Variants in SMG1 observed in about 807,000 individuals in gnomAD.
SMG1 encodes serine/threonine-protein kinase SMG1.
Under a neutral mutation model 419.9 loss-of-function variants are expected in SMG1, and 22 were observed. That is an observed-to-expected ratio of 0.05 (90% CI 0.04 to 0.07). The LOEUF (loss-of-function observed/expected upper bound fraction) is 0.07, where lower values mean the gene tolerates loss of function less well. SMG1 is among the 10% of genes least tolerant of loss of function. The pLI is 1.00. For synonymous variants in SMG1, 1,538 were observed against 1,553.5 expected, an observed-to-expected ratio of 0.99 and a Z score of 0.23; for missense variants, 3,185 against 4,342.0, an observed-to-expected ratio of 0.73 and a Z score of 7.49.
In SMG1 at chr16:18,864,117, C is replaced by T. The variant is rs1394058754; in HGVS notation, c.3378G>A (p.Gln1126=). Residue 1126 remains glutamine (Q), a synonymous_variant, in exon 24 of 63, where the codon CAG becomes CAA. Coordinates refer to ENST00000446231, the MANE Select transcript of SMG1 (RefSeq NM_015092.5). ...CACCTGTCATGGCACACAGGTGTTCCTGGTACTCCACAGAGGCCTTTTCAA... is the reference window on the plus strand; with the variant it reads ...CACCTGTCATGGCACACAGGTGTTCTTGGTACTCCACAGAGGCCTTTTCAA... ...GRFEKASVEY[Q]EHLCAMTGVD... is the part of the protein sequence containing the mutation. 7.8e-6 allele frequency: 12 copies of T among 1,548,358 alleles called. No homozygotes were observed. Among genetic ancestry groups the T allele is most frequent in the Non-Finnish European group, 9.6e-6 (11 of 1,146,392 alleles).
chr16:18,897,296 TCTC>T (rs1201687420), intron 1 of SMG1, among the ~76,000 whole-genome samples: 1 of 152,186 alleles, frequency 6.6e-6, no homozygotes, highest in Non-Finnish European at 1.5e-5. Flanking sequence ...GGTCCAGTGT[TCTC>T]CTCACATGAC....
chr16:18,828,108 G>T lies in SMG1; in HGVS notation c.9664C>A (p.Arg3222=), dbSNP rs759592479. 19 of 1,613,514 alleles carry T rather than the reference G, an allele frequency of 1.2e-5. No homozygotes were observed. The highest frequency in any genetic ancestry group is 1.4e-5 in the Non-Finnish European group (17 of 1,179,682). Residue 3222 remains arginine (R), a synonymous_variant, in exon 55 of 63, where the codon CGG becomes AGG. Coordinates refer to ENST00000446231, the MANE Select transcript of SMG1 (RefSeq NM_015092.5). ...PQAMSVTPPP[R]SAILTSMKKK... is the part of the protein sequence containing the mutation. ...TTCATGCTGGTTAGGATAGCAGACC[G>T]TGGGGGAGGTGTGACTGACATGGCT...
intron 55 of SMG1, 98 bp from the exon 56 acceptor site, chr16:18,819,752 AG>A: frequency 8.3e-7 from 1 of 1,206,478 alleles, no homozygotes; most frequent in Non-Finnish European, 1.1e-6. Flanking sequence ...CAAAAGAACC[AG>A]GGTGGACACA....
intron 1 of SMG1, among the ~76,000 whole-genome samples, chr16:18,912,418 G>A (rs1425002168): frequency 2.0e-5 from 3 of 151,786 alleles, no homozygotes. Context: ...ATGTTAATTA[G>A]CATGATTTAA....
At chr16:18,858,740 G>A (rs1432937720) in intron 28 of SMG1, 7 of 267,310 alleles carry the variant, frequency 2.6e-5, no homozygotes, top group Non-Finnish European at 4.2e-5. Flanking sequence ...TAAAATTTAC[G>A]TAATCCGCCT....
At chr16:18,884,946 C>A in intron 8 of SMG1, 144 bp downstream of exon 8, 13 of 637,072 alleles carry the variant, frequency 2.0e-5, no homozygotes, top group South Asian at 1.2e-4. Flanking sequence ...ATTTAGCTAA[C>A]AAGTAATGTT....
intron 1 of SMG1, among the ~76,000 whole-genome samples, chr16:18,912,008 G>C (rs2037811017): frequency 6.6e-6 from 1 of 151,280 alleles, no homozygotes. Context: ...TTGAACCCGG[G>C]AGGTGGAGAT....
rs576090141 is a variant in SMG1 at position 18,809,613 on chromosome 16, C to T, written c.10942G>A (p.Asp3648Asn). Residue 3648 changes from aspartate (D) to asparagine (N), a missense_variant, in exon 63 of 63, where the codon GAT (aspartate) becomes AAT (asparagine). Transcript: ENST00000446231. The stretch of plus-strand genomic sequence containing the variant: ...CCTTCATACAGCTGAGCCAAGTTAT[C>T]TAGATTAGTTGCTTCCTTAATGACA... ...DYVIKEATNL[D>N]NLAQLYEGWT... 1 of 1,610,728 alleles carries T rather than the reference C, an allele frequency of 6.2e-7. No homozygotes were observed. Among genetic ancestry groups the T allele is most frequent in the Non-Finnish European group, 8.5e-7 (1 of 1,178,412 alleles).
chr16:18,836,384 C>T lies in SMG1; in HGVS notation c.7753G>A (p.Glu2585Lys). The change falls in exon 47 of 63, where the codon GAG becomes AAG. Residue 2585 changes from glutamate (E) to lysine (K), a missense_variant. By Grantham distance (56) the Glu-to-Lys change is moderately conservative (BLOSUM62 1). This residue lies in a region of SMG1 where 412 missense variants were observed against 546.6 expected (regional missense o/e 0.75). Coordinates refer to ENST00000446231, the MANE Select transcript of SMG1 (RefSeq NM_015092.5). Reference sequence around the variant, plus strand: ...CCAAGGTCCATTTGTGTGCTTATCTCTTGAAGCAAGCTTGCAAGCTGTGTT... The same window carrying T: ...CCAAGGTCCATTTGTGTGCTTATCTTTTGAAGCAAGCTTGCAAGCTGTGTT... ...EATQLASLLQ[E>K]ISTQMDLGPP... 1 of 1,613,900 alleles carries T rather than the reference C, an allele frequency of 6.2e-7. No individual in the cohort carries two copies. The highest frequency in any genetic ancestry group is 8.5e-7 in the Non-Finnish European group (1 of 1,179,816).
Position 18,860,699 on chromosome 16 carries a change from T to C in SMG1, c.3773A>G (p.Asn1258Ser), listed in dbSNP as rs754737181. 36 of 1,556,962 alleles carry C rather than the reference T, an allele frequency of 2.3e-5. No individual in the cohort carries two copies. Among genetic ancestry groups the C allele is most frequent in the East Asian group, 1.6e-4 (7 of 44,606 alleles). ...TTCTTTTGATCCTCCAGCAAGTAGA[T>C]TGATATTTTCTCCTGGTAACAATTC... ...QLELLPGENI[N>S]LLAGGSKEKI... The change falls in exon 26 of 63, where the codon AAT (asparagine) becomes AGT (serine). Residue 1258 changes from asparagine to serine, a missense_variant. This residue lies in a region of SMG1 where 120 missense variants were observed against 193.3 expected (regional missense o/e 0.62). Coordinates refer to ENST00000446231, the MANE Select transcript of SMG1 (RefSeq NM_015092.5).
intron 35 of SMG1, 138 bp downstream of exon 35, chr16:18,849,811 A>G: frequency 1.3e-6 from 1 of 758,476 alleles, no homozygotes; most frequent in South Asian, 2.0e-5. Flanking sequence ...TGTAACAAGC[A>G]GTGCAGGGTG....
At chr16:18,905,062 C>T (rs574543883) in intron 1 of SMG1, among the ~76,000 whole-genome samples, 2 of 152,026 alleles carry the variant, frequency 1.3e-5, no homozygotes, top group South Asian at 4.1e-4. Context: ...GAGTTTGAGA[C>T]CAGCCTGGGC....
Position 18,817,465 on chromosome 16 carries a change from T to C in SMG1, c.9900A>G (p.Thr3300=). The change falls in exon 57 of 63, where the codon ACA becomes ACG. Residue 3300 remains threonine (T), a synonymous_variant. Transcript: ENST00000446231. ...LKESQRASQV[T]FLCSNIIHFE... is the part of the protein sequence containing the mutation. ...AATGAATGATATTGCTGCAGAGAAA[T>C]GTGACCTGTAAAGACAGAAATGGAA... 1 of 1,571,114 alleles carries C rather than the reference T, an allele frequency of 6.4e-7. No individual in the cohort carries two copies. Among genetic ancestry groups the C allele is most frequent in the East Asian group, 2.3e-5 (1 of 43,292 alleles).
At position 18,851,600 on chromosome 16, in the gene SMG1, A is replaced by G. The variant is rs552940063; in HGVS notation, c.5052+467T>C. Among the ~76,000 whole-genome samples, 3 of 152,358 alleles carry G rather than the reference A, an allele frequency of 2.0e-5. No homozygotes were observed. In the East Asian group the frequency reaches 5.8e-4, roughly 29 times the overall value. On this transcript the variant is annotated intron_variant, in intron 33 of 62. Coordinates refer to ENST00000446231, the MANE Select transcript of SMG1 (RefSeq NM_015092.5). The stretch of plus-strand genomic sequence containing the variant: ...TCTTTTGAGACAGTCTCACTCTGTC[A>G]CCCAGACTGGAGTGCAGTAGTGTGA...
rs1443236779 is a variant in SMG1 at position 18,805,337 on chromosome 16, ATTC to A, written c.*4229_*4231del. Reference sequence around the variant, plus strand: ...AAAAGTGTGCATTTCAGAACATAGAATTCTTCTAAGTTTACCATCTTCAAAAAT... The same window carrying A: ...AAAAGTGTGCATTTCAGAACATAGAATTCTAAGTTTACCATCTTCAAAAAT... On this transcript the variant is annotated 3_prime_UTR_variant, in exon 63 of 63. Coordinates refer to ENST00000446231, the MANE Select transcript of SMG1 (RefSeq NM_015092.5). 2.6e-5 allele frequency: 4 copies of A among 152,214 alleles called. No homozygotes were observed. Among genetic ancestry groups the A allele is most frequent in the African/African-American group, 9.6e-5 (4 of 41,458 alleles). The allele number at this position is 152,214 out of a possible 1,614,324, so 9.4% of individuals were successfully genotyped here.
At chr16:18,839,377 T>C (rs2033776676) in intron 42 of SMG1, among the ~76,000 whole-genome samples, 1 of 152,124 alleles carries the variant, frequency 6.6e-6, no homozygotes, top group South Asian at 2.1e-4. Context: ...CAGTGTCTGT[T>C]GTTCCCTTCT....
At chr16:18,843,678 A>G (rs565993127) in intron 39 of SMG1, among the ~76,000 whole-genome samples, 1 of 152,326 alleles carries the variant, frequency 6.6e-6, no homozygotes, top group Non-Finnish European at 1.5e-5. Flanking sequence ...CCAATCCAAT[A>G]TGGCAGTAAA....
chr16:18,851,197 G>T (rs1788831416), intron 33 of SMG1, among the ~76,000 whole-genome samples: 1 of 152,264 alleles, frequency 6.6e-6, no homozygotes, highest in African/African-American at 2.4e-5. Flanking sequence ...ATACGCTGCT[G>T]TTTACAGCAA....
chr16:18,890,807 A>G, intron 5 of SMG1, 56 bp downstream of exon 5: 1 of 966,536 alleles, frequency 1.0e-6, no homozygotes, highest in South Asian at 1.3e-5. Flanking sequence ...ATTGTTAAGT[A>G]ATTTCTAAAA....
Sources: gnomAD v4.1 joint callset for allele counts (sites outside exome capture counted in the v4.1 genomes callset) on GRCh38, gnomAD v4.1.1 for gene constraint, gnomAD v4.1.1 regional missense constraint, MANE v1.5 for transcripts, NCBI Gene and HGNC (gene_info 2026-07-23, HGNC 2026-07-21) for gene names.